SPOCK3: variants seen among roughly 807,000 people sequenced by gnomAD.
The protein encoded by SPOCK3 is SPARC (osteonectin), cwcv and kazal like domains proteoglycan 3.
A neutral mutation model predicts 56.6 loss-of-function variants in SPOCK3; 30 were observed. That is an observed-to-expected ratio of 0.53 (90% CI 0.40 to 0.72). The LOEUF is 0.72. Ranked by LOEUF, SPOCK3 falls within the 30% of genes least tolerant of loss-of-function variation. SPOCK3 has a pLI of 0.00. For missense variants in SPOCK3, 527 were observed against 530.0 expected (o/e 0.99, Z 0.06); for synonymous variants, 196 against 183.3 (o/e 1.07, Z -0.56).
chr4:167,188,250 A>G (rs1732188578), intron 2 of SPOCK3, among the ~76,000 whole-genome samples: 1 of 146,012 alleles, frequency 6.8e-6, no homozygotes, highest in African/African-American at 2.6e-5. Flanking sequence ...AGAAAGAGAG[A>G]GGTCCCTTTT....
At chr4:167,086,567 T>C (rs1758220114) in intron 2 of SPOCK3, among the ~76,000 whole-genome samples, 1 of 152,130 alleles carries the variant, frequency 6.6e-6, no homozygotes, top group Non-Finnish European at 1.5e-5. Context: ...TCAGATTTGT[T>C]CTGTTTACAA....
At chr4:166,753,089 A>G (rs1312386496) in intron 8 of SPOCK3, among the ~76,000 whole-genome samples, 2 of 152,070 alleles carry the variant, frequency 1.3e-5, no homozygotes, top group South Asian at 2.1e-4. Context: ...AGAATATTCT[A>G]AGATAAAGAA....
intron 6 of SPOCK3, among the ~76,000 whole-genome samples, chr4:166,857,256 A>G (rs1033471509): frequency 2.6e-5 from 4 of 152,200 alleles, no homozygotes; most frequent in Admixed American, 1.3e-4. Context: ...AGCTGCACTG[A>G]GCTCCTCAGG....
Position 167,062,503 on chromosome 4 carries a change from G to A in SPOCK3, c.224C>T (p.Pro75Leu), listed in dbSNP as rs748124901. 5 of 1,604,682 alleles carry A rather than the reference G, an allele frequency of 3.1e-6. No homozygotes were observed. Among genetic ancestry groups the A allele is most frequent in the Non-Finnish European group, 4.3e-6 (5 of 1,173,014 alleles). ...AGTTAGATTCTTACCCTGATCGAAG[G>A]GTTTTCCTGGACTCCAAGTGCGGAA... ...DYFRTWSPGK[P>L]FDQALDPAKD... Residue 75 changes from proline to leucine, a missense_variant, in exon 3 of 11, where the codon CCC (proline) becomes CTC (leucine). Pro to Leu is a moderately conservative substitution (Grantham distance 98, BLOSUM62 -3). Transcript: ENST00000357545.
intron 6 of SPOCK3, among the ~76,000 whole-genome samples, chr4:166,851,136 GCCT>G (rs1261637776): frequency 6.6e-6 from 1 of 152,220 alleles, no homozygotes; most frequent in Non-Finnish European, 1.5e-5. Flanking sequence ...CTGGCAGACT[GCCT>G]CCTCAAGTGG....
chr4:167,193,170 C>A (rs1473909727), intron 2 of SPOCK3, among the ~76,000 whole-genome samples: 1 of 145,718 alleles, frequency 6.9e-6, no homozygotes, highest in Non-Finnish European at 1.5e-5. Flanking sequence ...TTGTTGTTTT[C>A]TGGTTGTTCT....
intron 2 of SPOCK3, among the ~76,000 whole-genome samples, chr4:167,081,845 A>G (rs1340302729): frequency 1.3e-5 from 2 of 151,792 alleles, no homozygotes; most frequent in African/African-American, 4.8e-5. Context: ...AGCAGAAGTG[A>G]GTCTTATTAA....
At chr4:167,020,886 T>C (rs913651777) in intron 3 of SPOCK3, among the ~76,000 whole-genome samples, 2 of 152,040 alleles carry the variant, frequency 1.3e-5, no homozygotes, top group African/African-American at 2.4e-5. Context: ...TGGGATAAAG[T>C]TGAAGAAGAT....
intron 6 of SPOCK3, among the ~76,000 whole-genome samples, chr4:166,807,585 T>C (rs1189596342): frequency 6.6e-6 from 1 of 152,164 alleles, no homozygotes; most frequent in Non-Finnish European, 1.5e-5. Context: ...AGACCACTGC[T>C]GCCAGTTGAG....
chr4:167,159,982 A>G (rs1765148036), intron 2 of SPOCK3, among the ~76,000 whole-genome samples: 5 of 152,176 alleles, frequency 3.3e-5, no homozygotes, highest in Admixed American at 3.3e-4. Flanking sequence ...AACTGGCACA[A>G]GACAGGGATG....
intron 6 of SPOCK3, among the ~76,000 whole-genome samples, chr4:166,845,816 A>C (rs1361629986): frequency 5.9e-5 from 9 of 152,218 alleles, no homozygotes; most frequent in Non-Finnish European, 1.0e-4. Flanking sequence ...GTATGCAGTC[A>C]CATGTCACTT....
intron 4 of SPOCK3, among the ~76,000 whole-genome samples, chr4:166,934,333 C>A (rs148759888): frequency 3.1e-4 from 43 of 140,270 alleles, no homozygotes; most frequent in Middle Eastern, 3.6e-3. Context: ...ACTAAAAATA[C>A]AAAAAAAAAA....
intron 2 of SPOCK3, among the ~76,000 whole-genome samples, chr4:167,208,712 C>T (rs1409274803): frequency 6.6e-6 from 1 of 151,904 alleles, no homozygotes; most frequent in Admixed American, 6.6e-5. Context: ...TTTGTTTATA[C>T]ATGTAGATCT....
At chr4:167,205,519 T>TATATATTATATA (rs1734174945) in intron 2 of SPOCK3, among the ~76,000 whole-genome samples, 2 of 55,132 alleles carry the variant, frequency 3.6e-5, no homozygotes, top group Non-Finnish European at 6.1e-5. Flanking sequence ...TAATATATAT[T>TATATATTATATA]ATATATATTA....
chr4:166,853,280 A>C (rs1035006163), intron 6 of SPOCK3, among the ~76,000 whole-genome samples: 1 of 152,226 alleles, frequency 6.6e-6, no homozygotes, highest in Non-Finnish European at 1.5e-5. Flanking sequence ...AGTCAAATGT[A>C]AGATAGGTGA....
intron 6 of SPOCK3, among the ~76,000 whole-genome samples, chr4:166,793,667 GA>G (rs1267479467): frequency 1.3e-5 from 2 of 152,126 alleles, no homozygotes; most frequent in African/African-American, 4.8e-5. Context: ...TAGAACACTG[GA>G]GACAAAATGA....
At chr4:167,046,125 GA>G (rs1258426964) in intron 3 of SPOCK3, among the ~76,000 whole-genome samples, 1 of 151,960 alleles carries the variant, frequency 6.6e-6, no homozygotes, top group East Asian at 1.9e-4. Flanking sequence ...TCAGCATGTT[GA>G]TTTTTTGACT....
chr4:167,093,410 T>A (rs933727037), intron 2 of SPOCK3, among the ~76,000 whole-genome samples: 3 of 152,214 alleles, frequency 2.0e-5, no homozygotes, highest in Admixed American at 2.0e-4. Context: ...GTCATCTACA[T>A]TATGTATTTC....
At chr4:166,957,696 G>A (rs1743647047) in intron 4 of SPOCK3, among the ~76,000 whole-genome samples, 1 of 152,184 alleles carries the variant, frequency 6.6e-6, no homozygotes, top group South Asian at 2.1e-4. Flanking sequence ...AATCAAAGGA[G>A]ATTATTTTGA....
Sources: gnomAD v4.1 joint callset for allele counts (sites outside exome capture counted in the v4.1 genomes callset) on GRCh38, gnomAD v4.1.1 for gene constraint, MANE v1.5 for transcripts, NCBI Gene and HGNC (gene_info 2026-07-23, HGNC 2026-07-21) for gene names.